Variants in PHC3 observed in about 807,000 individuals in gnomAD.
PHC3 encodes the protein polyhomeotic homolog 3.
PHC3 carries 13 observed loss-of-function variants against 107.4 expected under a neutral mutation model. The ratio of observed to expected loss-of-function variants is 0.12; its 90% confidence interval spans 0.08 to 0.19. PHC3 has a LOEUF of 0.19. PHC3 is among the 10% of genes least tolerant of loss of function. PHC3 has a pLI of 1.00. For synonymous variants in PHC3, 456 were observed against 427.4 expected, an observed-to-expected ratio of 1.07 and a Z score of -0.83; for missense variants, 992 against 1,210.9, an observed-to-expected ratio of 0.82 and a Z score of 2.68.
At chr3:170,180,698 A>G (rs759264681) in intron 1 of PHC3, among the ~76,000 whole-genome samples, 1 of 151,880 alleles carries the variant, frequency 6.6e-6, no homozygotes, top group Non-Finnish European at 1.5e-5. Flanking sequence ...CTACTACCGT[A>G]TCGTGTACCA....
intron 14 of PHC3, among the ~76,000 whole-genome samples, chr3:170,101,205 G>C (rs567602366): frequency 5.3e-5 from 8 of 152,294 alleles, no homozygotes; most frequent in African/African-American, 1.9e-4. Flanking sequence ...ATCTTCCCAT[G>C]AAGTATCTCC....
In PHC3 at chr3:170,149,134, G is replaced by A. The variant is rs747697716; in HGVS notation, c.525C>T (p.Ser175=). ...TQQTMLLGST[S]PTLTASQAQM... Reference sequence around the variant, plus strand: ...GAGCTTGGCTTGCCGTTAGGGTAGGGGAAGTACTCCCTAGTAACATAGTCT... The same window carrying A: ...GAGCTTGGCTTGCCGTTAGGGTAGGAGAAGTACTCCCTAGTAACATAGTCT... Residue 175 remains serine, a synonymous_variant, in exon 5 of 15, where the codon TCC becomes TCT. Transcript: ENST00000495893. 6 of 1,613,162 alleles carry A rather than the reference G, an allele frequency of 3.7e-6. No individual in the cohort carries two copies. The highest frequency in any genetic ancestry group is 1.3e-5 in the African/African-American group (1 of 74,896).
At chr3:170,169,393 A>G (rs1322089484) in intron 4 of PHC3, among the ~76,000 whole-genome samples, 1 of 152,058 alleles carries the variant, frequency 6.6e-6, no homozygotes, top group African/African-American at 2.4e-5. Flanking sequence ...ATCTGTTACC[A>G]TGCTCCCCCC....
chr3:170,128,941 T>G lies in PHC3; in HGVS notation c.1531A>C (p.Ile511Leu). The G allele has an allele frequency of 1.2e-6, 2 of 1,613,816 alleles. No homozygotes were observed. Among genetic ancestry groups the G allele is most frequent in the Non-Finnish European group, 1.7e-6 (2 of 1,179,852 alleles). The change falls in exon 8 of 15, where the codon ATT (isoleucine) becomes CTT (leucine). Residue 511 changes from isoleucine to leucine, a missense_variant. This residue lies in a region of PHC3 where 543 missense variants were observed against 590.8 expected (regional missense o/e 0.92). Coordinates refer to ENST00000495893, the MANE Select transcript of PHC3 (RefSeq NM_024947.4). ...GTCGACATCTGTGGAGGACTTGCAA[T>G]TGGGATTGGAGAGGACTGCAGGGAT... ...YSSLQSSPIPIASPPQMSTSP... is the reference protein window; with the variant it reads ...YSSLQSSPIPLASPPQMSTSP...
intron 4 of PHC3, among the ~76,000 whole-genome samples, chr3:170,167,391 T>C (rs773116300): frequency 2.0e-5 from 3 of 152,240 alleles, no homozygotes; most frequent in Admixed American, 6.5e-5. Flanking sequence ...GTTGGGATTA[T>C]AGGCATGAGC....
At chr3:170,137,765 G>A (rs1002410085) in intron 6 of PHC3, among the ~76,000 whole-genome samples, 2 of 152,198 alleles carry the variant, frequency 1.3e-5, no homozygotes, top group African/African-American at 2.4e-5. Flanking sequence ...CAGGCGTGGT[G>A]GCACGCACCT....
Position 170,090,744 on chromosome 3 carries a change from C to T in PHC3, c.*6486G>A, listed in dbSNP as rs1488034720. 1.3e-5 allele frequency: 2 copies of T among 152,156 alleles called. No homozygotes were observed. The highest frequency in any genetic ancestry group is 3.8e-4 in the East Asian group (2 of 5,196). The allele number at this position is 152,156 out of a possible 1,614,324, so 9.4% of individuals were successfully genotyped here. Reference sequence around the variant, plus strand: ...ACTTTTGAGTAGTACAGGCACCATACTGCATATCTGGAAGCTGTTAAAACA... The same window carrying T: ...ACTTTTGAGTAGTACAGGCACCATATTGCATATCTGGAAGCTGTTAAAACA... On this transcript the variant is annotated 3_prime_UTR_variant, in exon 15 of 15. Transcript: ENST00000495893.
chr3:170,114,516 T>A (rs531757709), intron 10 of PHC3, among the ~76,000 whole-genome samples: 1 of 152,328 alleles, frequency 6.6e-6, no homozygotes, highest in East Asian at 1.9e-4. Context: ...AAAAACAGAA[T>A]GAGGACTAGA....
intron 4 of PHC3, among the ~76,000 whole-genome samples, chr3:170,162,134 A>G (rs1308960426): frequency 6.6e-6 from 1 of 152,238 alleles, no homozygotes; most frequent in Non-Finnish European, 1.5e-5. Context: ...CACAGAATTT[A>G]AGATTAGAAC....
Position 170,136,374 on chromosome 3 carries a change from A to T in PHC3, c.919+45T>A, listed in dbSNP as rs372626282. On this transcript the variant is annotated intron_variant, in intron 7 of 14. Coordinates refer to ENST00000495893, the MANE Select transcript of PHC3 (RefSeq NM_024947.4). ...ATCCTTTGTTTTGCTCTGTCTGCTA[A>T]GAAAATGAATAATACAACTATTTTC... 7.8e-4 allele frequency: 1,253 copies of T among 1,609,840 alleles called. 22 individuals are homozygous for T. The South Asian group carries it at 0.013, about 16-fold the overall frequency.
At chr3:170,107,865 G>A (rs1165844501) in intron 11 of PHC3, among the ~76,000 whole-genome samples, 1 of 152,068 alleles carries the variant, frequency 6.6e-6, no homozygotes, top group African/African-American at 2.4e-5. Context: ...CTCGGCAGGA[G>A]TCACCCATAA....
chr3:170,155,302 T>C (rs1344269308), intron 4 of PHC3, among the ~76,000 whole-genome samples: 1 of 152,224 alleles, frequency 6.6e-6, no homozygotes, highest in Non-Finnish European at 1.5e-5. Context: ...CTGTATTCAG[T>C]GGCATTAAAA....
At chr3:170,126,524 ATATATTT>A (rs1205189414) in intron 8 of PHC3, among the ~76,000 whole-genome samples, 1 of 80,046 alleles carries the variant, frequency 1.2e-5, no homozygotes, top group Non-Finnish European at 2.4e-5. Context: ...ATATATATAT[ATATATTT>A]TTTTTTTTTT....
chr3:170,155,382 T>C (rs1357964867), intron 4 of PHC3, among the ~76,000 whole-genome samples: 1 of 152,230 alleles, frequency 6.6e-6, no homozygotes, highest in Non-Finnish European at 1.5e-5. Context: ...TATAGGTACA[T>C]ACAAATGTCT....
At chr3:170,158,977 C>T (rs6763396) in intron 4 of PHC3, among the ~76,000 whole-genome samples, 16,626 of 150,074 alleles carry the variant, frequency 0.11, 979 homozygotes, top group Middle Eastern at 0.16. Flanking sequence ...CTGGGCCGGG[C>T]GTGGTGGCTC....
intron 3 of PHC3, 69 bp from the exon 4 acceptor site, chr3:170,171,519 A>G: frequency 9.2e-7 from 1 of 1,083,676 alleles, no homozygotes; most frequent in Non-Finnish European, 1.3e-6. Context: ...GTACCATGAT[A>G]ACACAAAACC....
intron 4 of PHC3, among the ~76,000 whole-genome samples, chr3:170,163,410 T>C (rs1322613945): frequency 1.3e-5 from 2 of 152,050 alleles, no homozygotes; most frequent in African/African-American, 2.4e-5. Flanking sequence ...TGATTGTAGT[T>C]TTCAGCCACA....
chr3:170,151,143 G>A (rs1359619581), intron 4 of PHC3, among the ~76,000 whole-genome samples: 29 of 151,926 alleles, frequency 1.9e-4, no homozygotes, highest in Admixed American at 1.6e-3. Flanking sequence ...CCCGGGAGGC[G>A]GAGGTTGCAG....
chr3:170,171,144 A>C lies in PHC3; in HGVS notation c.414+229T>G, dbSNP rs1450849378. The C allele has an allele frequency of 8.8e-6, 5 of 571,282 alleles. No homozygotes were observed. The African/African-American group carries it at 9.6e-5, about 11-fold the overall frequency. The allele number at this position is 571,282 out of a possible 1,614,324, so 35.4% of individuals were successfully genotyped here. A position where few individuals can be genotyped will look rare whatever the true frequency, so the allele number is the denominator to read the frequency against. ...ATAAGATCTGAACATGATCAGTGCA[A>C]ATGGATATACAAGAAATAATACAAA... On this transcript the variant is annotated intron_variant, in intron 4 of 14. Transcript: ENST00000495893.
Sources: gnomAD v4.1 joint callset for allele counts (sites outside exome capture counted in the v4.1 genomes callset) on GRCh38, gnomAD v4.1.1 for gene constraint, gnomAD v4.1.1 regional missense constraint, MANE v1.5 for transcripts, NCBI Gene and HGNC (gene_info 2026-07-23, HGNC 2026-07-21) for gene names.